Variants in RGSL1 observed in about 807,000 individuals in gnomAD.
RGSL1 encodes the protein regulator of G protein signaling like 1, also known as regulator of G protein signaling protein-like.
Under a neutral mutation model 124.7 loss-of-function variants are expected in RGSL1, and 97 were observed. The ratio of observed to expected loss-of-function variants is 0.78; its 90% confidence interval spans 0.66 to 0.92. The LOEUF is 0.92. RGSL1 is among the 40% of genes least tolerant of loss of function. The probability of loss-of-function intolerance (pLI) is 0.00; values close to 1 mark genes in which losing one functional copy is unlikely to be tolerated. For missense variants in RGSL1, 1,233 were observed against 1,288.4 expected, an observed-to-expected ratio of 0.96 and a Z score of 0.66; for synonymous variants, 424 against 438.1, an observed-to-expected ratio of 0.97 and a Z score of 0.40.
chr1:182,504,471 ACTTTTTTT>A (rs1656656359), intron 9 of RGSL1, among the ~76,000 whole-genome samples: 1 of 70,186 alleles, frequency 1.4e-5, no homozygotes, highest in Non-Finnish European at 2.7e-5. Context: ...AATGAGCCAT[ACTTTTTTT>A]TTTTTTTTTT....
chr1:182,530,731 G>A, intron 12 of RGSL1, 59 bp from the exon 13 acceptor site: 2 of 1,467,370 alleles, frequency 1.4e-6, no homozygotes, highest in East Asian at 2.6e-5. Context: ...TGCCTGGACT[G>A]TCATCTTTTA....
At chr1:182,554,093 C>T (rs1419277813) in intron 19 of RGSL1, among the ~76,000 whole-genome samples, 2 of 152,206 alleles carry the variant, frequency 1.3e-5, no homozygotes, top group African/African-American at 4.8e-5. Flanking sequence ...CACACTCTAA[C>T]CCTGCCTTTG....
At chr1:182,527,008 G>A (rs1326234661) in intron 10 of RGSL1, among the ~76,000 whole-genome samples, 3 of 152,182 alleles carry the variant, frequency 2.0e-5, no homozygotes, top group African/African-American at 4.8e-5. Flanking sequence ...AAATGTAGAA[G>A]TGGAGTTCAT....
chr1:182,536,791 C>T (rs12128450), intron 14 of RGSL1, among the ~76,000 whole-genome samples: 6,111 of 152,060 alleles, frequency 0.04, 196 homozygotes, highest in Middle Eastern at 0.071. Context: ...CATCAGATCT[C>T]GTGAGACTTA....
chr1:182,549,717 T>C (rs1218091089), intron 17 of RGSL1: 2 of 152,204 alleles, frequency 1.3e-5, no homozygotes, highest in African/African-American at 4.8e-5. Context: ...TTTATTAAAA[T>C]AGAAGTGTGA....
At chr1:182,456,555 C>T (rs1652341398) in intron 2 of RGSL1, among the ~76,000 whole-genome samples, 1 of 152,194 alleles carries the variant, frequency 6.6e-6, no homozygotes, top group Non-Finnish European at 1.5e-5. Context: ...GCCTCGGCCT[C>T]CCAAAGTGCT....
In RGSL1 at chr1:182,540,429, T is replaced by TTCCACTTC; in HGVS notation, c.2669+12_2669+19dup. 1 of 1,548,340 alleles carries TTCCACTTC rather than the reference T, an allele frequency of 6.5e-7. No homozygotes were observed. The highest frequency in any genetic ancestry group is 2.4e-5 in the East Asian group (1 of 40,876). ...CTTTTCTGAAATGGAGAAGTAAGTTTTCCACTTCTCCTTCTTCTGCCCTGA... is the reference window on the plus strand; with the variant it reads ...CTTTTCTGAAATGGAGAAGTAAGTTTTCCACTTCTCCACTTCTCCTTCTTCTGCCCTGA... On this transcript the variant is annotated intron_variant, in intron 15 of 21. Coordinates refer to ENST00000294854, the MANE Select transcript of RGSL1 (RefSeq NM_001137669.2).
At chr1:182,479,142 G>A (rs1043694381) in intron 6 of RGSL1, among the ~76,000 whole-genome samples, 1 of 152,098 alleles carries the variant, frequency 6.6e-6, no homozygotes, top group Non-Finnish European at 1.5e-5. Flanking sequence ...CAATACAAAA[G>A]CATGTGAAAG....
chr1:182,530,854 C>T lies in RGSL1; in HGVS notation c.2308C>T (p.Gln770Ter). ...GGAGGTGGAAGTGCAAAGTGAAGTA[C>T]AAATTTCGTCTAGGAAGCCCTCAAA... ...HQEVEVQSEV[Q>*]ISSRKPSKIV... The change falls in exon 13 of 22, where the codon CAA (glutamine) becomes TAA (stop). Residue 770 changes from glutamine (Q) to a stop codon, truncating the protein, a stop_gained. Coordinates refer to ENST00000294854, the MANE Select transcript of RGSL1 (RefSeq NM_001137669.2). LOFTEE classifies it high-confidence loss of function. 1.9e-6 allele frequency: 3 copies of T among 1,550,194 alleles called. No individual in the cohort carries two copies. The highest frequency in any genetic ancestry group is 1.2e-5 in the South Asian group (1 of 83,932).
intron 4 of RGSL1, among the ~76,000 whole-genome samples, chr1:182,472,040 C>T (rs562775281): frequency 2.6e-5 from 4 of 152,126 alleles, no homozygotes; most frequent in Non-Finnish European, 5.9e-5. Context: ...AGGCCATTCT[C>T]AGTCCATGAT....
At chr1:182,455,136 T>A (rs1416704396) in intron 2 of RGSL1, among the ~76,000 whole-genome samples, 1 of 152,148 alleles carries the variant, frequency 6.6e-6, no homozygotes, top group Non-Finnish European at 1.5e-5. Context: ...CAGAAGTTTT[T>A]AGGAGGCAGT....
chr1:182,474,043 A>G lies in RGSL1; in HGVS notation c.932A>G (p.Asp311Gly), dbSNP rs1225407734. The change falls in exon 6 of 22, where the codon GAT (aspartate) becomes GGT (glycine). Residue 311 changes from aspartate to glycine, a missense_variant. Coordinates refer to ENST00000294854, the MANE Select transcript of RGSL1 (RefSeq NM_001137669.2). ...ACAAGAATCAGTTCCCTGGAAAAGG[A>G]TATGCATTATGCAAAAATATCCAGC... ...KETRISSLEK[D>G]MHYAKISSME... 4 of 1,551,826 alleles carry G rather than the reference A, an allele frequency of 2.6e-6. No individual in the cohort carries two copies. In the East Asian group the frequency reaches 7.3e-5, roughly 28 times the overall value.
In RGSL1 at chr1:182,453,956, A is replaced by G. The variant is rs1490425294; in HGVS notation, c.14-2A>G. 2.8e-6 allele frequency: 4 copies of G among 1,452,022 alleles called. No homozygotes were observed. The highest frequency in any genetic ancestry group is 3.8e-6 in the Non-Finnish European group (4 of 1,057,036). 89.9% of individuals were successfully genotyped at this position (1,452,022 alleles called of 1,614,324 possible). On this transcript the variant is annotated splice_acceptor_variant, in intron 1 of 21. Transcript: ENST00000294854. LOFTEE classifies it high-confidence loss of function. ...TTTTTTTATTTCTCTCTCTCCATAT[A>G]GAGATAATTGGTTCTACAAATCTTA...
chr1:182,454,347 C>A (rs966861818), intron 2 of RGSL1, among the ~76,000 whole-genome samples: 3 of 152,184 alleles, frequency 2.0e-5, no homozygotes, highest in Non-Finnish European at 4.4e-5. Context: ...TGACAGAGGT[C>A]TACCCTCACT....
At chr1:182,491,032 A>G (rs1369157268) in intron 8 of RGSL1, among the ~76,000 whole-genome samples, 1 of 150,338 alleles carries the variant, frequency 6.7e-6, no homozygotes, top group Non-Finnish European at 1.5e-5. Flanking sequence ...GTGGGACTAC[A>G]GGCATGCACC....
At position 182,474,410 on chromosome 1, in the gene RGSL1, C is replaced by T. The variant is rs994555156; in HGVS notation, c.1299C>T (p.Cys433=). Residue 433 remains cysteine, a synonymous_variant, in exon 6 of 22, where the codon TGC becomes TGT. Coordinates refer to ENST00000294854, the MANE Select transcript of RGSL1 (RefSeq NM_001137669.2). ...IFRHLLGDRI[C]ELYLNEQIGP... is the part of the protein sequence containing the mutation. ...GTCACTTGCTGGGTGACAGAATCTG[C>T]GAGCTCTACCTGAATGAGCAGATTG... is the stretch of plus-strand genomic sequence containing the variant. 11 of 1,551,914 alleles carry T rather than the reference C, an allele frequency of 7.1e-6. No individual in the cohort carries two copies. The highest frequency in any genetic ancestry group is 4.1e-5 in the African/African-American group (3 of 73,044).
At chr1:182,518,667 G>A (rs926625919) in intron 9 of RGSL1, among the ~76,000 whole-genome samples, 11 of 152,158 alleles carry the variant, frequency 7.2e-5, no homozygotes, top group African/African-American at 2.7e-4. Flanking sequence ...TTGCATTGTA[G>A]AAACAGCAAG....
At chr1:182,472,231 C>G (rs1412531052) in intron 4 of RGSL1, among the ~76,000 whole-genome samples, 165 bp from the exon 5 acceptor site, 1 of 152,150 alleles carries the variant, frequency 6.6e-6, no homozygotes, top group African/African-American at 2.4e-5. Context: ...CAATTCTCCC[C>G]CACAGTAGAA....
At chr1:182,489,343 A>C (rs752636585) in intron 8 of RGSL1, 141 bp downstream of exon 8, 2 of 717,216 alleles carry the variant, frequency 2.8e-6, no homozygotes, top group Non-Finnish European at 4.5e-6. Context: ...ACAGCCTAAG[A>C]GGTAAGTACT....
Sources: allele counts gnomAD v4.1 joint callset (sites outside exome capture counted in the v4.1 genomes callset), GRCh38; gene constraint gnomAD v4.1.1; transcripts MANE v1.5; gene names NCBI Gene and HGNC (gene_info 2026-07-23, HGNC 2026-07-21).